Variants in RAPGEF4 observed in about 807,000 individuals in gnomAD.
The protein encoded by RAPGEF4 is RAP guanine-nucleotide-exchange factor (GEF) 4.
A neutral mutation model predicts 147.9 loss-of-function variants in RAPGEF4; 66 were observed. That is an observed-to-expected ratio of 0.45 (90% CI 0.37 to 0.55). The LOEUF (loss-of-function observed/expected upper bound fraction) is 0.55, where lower values mean the gene tolerates loss of function less well. Among genes scored for constraint, RAPGEF4 ranks in the 20% least tolerant of loss-of-function variants. The pLI is 0.00. For synonymous variants in RAPGEF4, 419 were observed against 442.7 expected, an observed-to-expected ratio of 0.95 and a Z score of 0.67; for missense variants, 1,071 against 1,257.3, an observed-to-expected ratio of 0.85 and a Z score of 2.24.
intron 4 of RAPGEF4, among the ~76,000 whole-genome samples, chr2:172,832,517 C>T (rs1436096179): frequency 1.3e-5 from 2 of 152,324 alleles, no homozygotes; most frequent in Admixed American, 6.5e-5. Flanking sequence ...GAAAAACCCA[C>T]ATTTTAAATT....
chr2:172,985,598 G>C lies in RAPGEF4; in HGVS notation c.1150+105G>C, dbSNP rs1200257033. On this transcript the variant is annotated intron_variant, in intron 12 of 30. Transcript: ENST00000397081. ...CGCCTCACTTCTTGGCCCCGGGTCT[G>C]GCTTGGTGACTTGGCAGGGTGTCCT... is the stretch of plus-strand genomic sequence containing the variant. 8 of 1,534,614 alleles carry C rather than the reference G, an allele frequency of 5.2e-6. No individual in the cohort carries two copies. In the East Asian group the frequency reaches 1.4e-4, roughly 27 times the overall value.
chr2:172,994,467 A>G (rs1310465500), intron 15 of RAPGEF4, among the ~76,000 whole-genome samples: 1 of 152,222 alleles, frequency 6.6e-6, no homozygotes, highest in Non-Finnish European at 1.5e-5. Context: ...CTGAGGCATG[A>G]TGCCTCCCCG....
chr2:172,831,485 T>C (rs1170029437), intron 4 of RAPGEF4, among the ~76,000 whole-genome samples: 1 of 151,846 alleles, frequency 6.6e-6, no homozygotes, highest in East Asian at 1.9e-4. Flanking sequence ...GCCAGGTTGG[T>C]CTCGAACCCC....
chr2:172,917,744 A>G, intron 4 of RAPGEF4, 58 bp from the exon 5 acceptor site: 1 of 1,449,066 alleles, frequency 6.9e-7, no homozygotes, highest in Non-Finnish European at 9.7e-7. Flanking sequence ...CATGTAAATA[A>G]ATGAATGCTC....
chr2:173,049,868 G>C (rs1368609355), intron 30 of RAPGEF4, among the ~76,000 whole-genome samples: 1 of 152,168 alleles, frequency 6.6e-6, no homozygotes, highest in African/African-American at 2.4e-5. Flanking sequence ...AGTTGTACAA[G>C]TGGAAACAAG....
At chr2:173,021,217 C>T (rs2105921786) in intron 23 of RAPGEF4, among the ~76,000 whole-genome samples, 1 of 152,324 alleles carries the variant, frequency 6.6e-6, no homozygotes, top group Non-Finnish European at 1.5e-5. Flanking sequence ...ACAGACAGAT[C>T]TTTCTGTGAA....
rs1686366805 is a variant in RAPGEF4 at position 173,052,745 on chromosome 2, T to C, written c.*978T>C. 1.3e-5 allele frequency: 2 copies of C among 152,654 alleles called. No individual in the cohort carries two copies. Among genetic ancestry groups the C allele is most frequent in the African/African-American group, 4.8e-5 (2 of 41,466 alleles). The allele number at this position is 152,654 out of a possible 1,614,324, so 9.5% of individuals were successfully genotyped here. ...TAGATACTGTGCCAAATAATTACTTTTTATTTATTTTATTTAGTACGTAAT... is the reference window on the plus strand; with the variant it reads ...TAGATACTGTGCCAAATAATTACTTCTTATTTATTTTATTTAGTACGTAAT... On this transcript the variant is annotated 3_prime_UTR_variant, in exon 31 of 31. Coordinates refer to ENST00000397081, the MANE Select transcript of RAPGEF4 (RefSeq NM_007023.4).
chr2:172,970,332 A>G (rs952757337), intron 10 of RAPGEF4, among the ~76,000 whole-genome samples: 1 of 152,176 alleles, frequency 6.6e-6, no homozygotes, highest in Non-Finnish European at 1.5e-5. Flanking sequence ...AACTGAGGGC[A>G]TGTTCAGAGG....
chr2:172,898,341 G>A (rs1290045086), intron 4 of RAPGEF4, among the ~76,000 whole-genome samples: 1 of 152,158 alleles, frequency 6.6e-6, no homozygotes, highest in Non-Finnish European at 1.5e-5. Context: ...AATCCCGCCT[G>A]CTCGCTGGAT....
chr2:172,856,722 GGTCAGATCTCATGTA>G (rs1482199458), intron 4 of RAPGEF4, among the ~76,000 whole-genome samples: 2 of 152,208 alleles, frequency 1.3e-5, no homozygotes, highest in African/African-American at 4.8e-5. Context: ...TCAGAGATTT[GGTCAGATCTCATGTA>G]GTCAATCTGG....
chr2:172,987,479 T>A (rs1202134060), intron 12 of RAPGEF4, among the ~76,000 whole-genome samples: 18 of 152,186 alleles, frequency 1.2e-4, no homozygotes, highest in Admixed American at 1.2e-3. Flanking sequence ...GTGTTCCACG[T>A]TTACGAATTC....
chr2:172,816,097 A>G (rs1162029942), intron 4 of RAPGEF4, among the ~76,000 whole-genome samples: 1 of 152,156 alleles, frequency 6.6e-6, no homozygotes, highest in African/African-American at 2.4e-5. Flanking sequence ...CCCTAATGCC[A>G]TTATCTCACC....
At chr2:172,934,299 A>G (rs62174631) in intron 6 of RAPGEF4, among the ~76,000 whole-genome samples, 3,326 of 151,554 alleles carry the variant, frequency 0.022, 65 homozygotes, top group South Asian at 0.061. Flanking sequence ...ACAGGCACCT[A>G]CCACCATGCC....
At chr2:172,788,916 T>TA (rs1390433019) in intron 1 of RAPGEF4, among the ~76,000 whole-genome samples, 5 of 141,666 alleles carry the variant, frequency 3.5e-5, no homozygotes, top group East Asian at 2.0e-4. Flanking sequence ...TAAAATAAAA[T>TA]AAATAAATAA....
chr2:173,017,459 G>A lies in RAPGEF4; in HGVS notation c.1963G>A (p.Asp655Asn), dbSNP rs767316042. 10 of 1,614,030 alleles carry A rather than the reference G, an allele frequency of 6.2e-6. No individual in the cohort carries two copies. The highest frequency in any genetic ancestry group is 2.2e-5 in the East Asian group (1 of 44,898). The change falls in exon 21 of 31, where the codon GAT becomes AAT. Residue 655 changes from aspartate (D) to asparagine (N), a missense_variant. By Grantham distance (23) the Asp-to-Asn change is conservative (BLOSUM62 1). Coordinates refer to ENST00000397081, the MANE Select transcript of RAPGEF4 (RefSeq NM_007023.4). The stretch of plus-strand genomic sequence containing the variant: ...TCTTTTGCAACAGTTCAATACGGGC[G>A]ATGAGAGAGCCCAGAAGCGCCAGCC... ...KVLLQQFNTGDERAQKRQPIR... is the reference protein window; with the variant it reads ...KVLLQQFNTGNERAQKRQPIR...
At chr2:172,816,974 G>C (rs986806376) in intron 4 of RAPGEF4, among the ~76,000 whole-genome samples, 3 of 152,242 alleles carry the variant, frequency 2.0e-5, no homozygotes, top group Non-Finnish European at 2.9e-5. Flanking sequence ...CTAGCAATCT[G>C]TTAATCAGGA....
chr2:173,009,468 A>G (rs1694802095), intron 17 of RAPGEF4, among the ~76,000 whole-genome samples: 1 of 152,248 alleles, frequency 6.6e-6, no homozygotes, highest in African/African-American at 2.4e-5. Context: ...CCAGATGGTG[A>G]GAAATACTTT....
In RAPGEF4 at chr2:172,919,942, A is replaced by T. The variant is rs190225452; in HGVS notation, c.517+2068A>T. Among the ~76,000 whole-genome samples, 153 of 152,058 alleles carry T rather than the reference A, an allele frequency of 1.0e-3. 3 individuals carry two copies. The South Asian group carries it at 0.015, about 15-fold the overall frequency. ...TTTGCATGTTCACAGTCTTCCTTTC[A>T]GTTCCCTCTGCAGCCACCTGGCCTT... On this transcript the variant is annotated intron_variant, in intron 5 of 30. Transcript: ENST00000397081.
chr2:172,850,667 ATAAAG>A (rs1366191921), intron 4 of RAPGEF4, among the ~76,000 whole-genome samples: 2 of 152,168 alleles, frequency 1.3e-5, no homozygotes, highest in Admixed American at 6.5e-5. Context: ...TAAATTTTAT[ATAAAG>A]TAAAGAAAAA....
Sources: gnomAD v4.1 joint callset for allele counts (sites outside exome capture counted in the v4.1 genomes callset) on GRCh38, gnomAD v4.1.1 for gene constraint, MANE v1.5 for transcripts, NCBI Gene and HGNC (gene_info 2026-07-23, HGNC 2026-07-21) for gene names.